Variants in CDC42SE2 observed in about 807,000 individuals in gnomAD.
The protein encoded by CDC42SE2 is CDC42 small effector protein 2.
CDC42SE2 carries 3 observed loss-of-function variants against 11.5 expected under a neutral mutation model. The ratio of observed to expected loss-of-function variants is 0.26; its 90% confidence interval spans 0.12 to 0.67. CDC42SE2 has a LOEUF of 0.67. Ranked by LOEUF, CDC42SE2 falls within the 30% of genes least tolerant of loss-of-function variation. The pLI, the probability that CDC42SE2 is intolerant of heterozygous loss-of-function variation, is 0.80. For synonymous variants in CDC42SE2, 33 were observed against 34.8 expected (o/e 0.95, Z 0.18); for missense variants, 82 against 106.8 (o/e 0.77, Z 1.02).
intron 2 of CDC42SE2, among the ~76,000 whole-genome samples, chr5:131,333,123 C>A (rs1230822788): frequency 4.6e-5 from 7 of 152,138 alleles, no homozygotes; most frequent in Non-Finnish European, 8.8e-5. Flanking sequence ...AGTCTTTAAT[C>A]CATCTTGAAT....
At chr5:131,368,342 T>C (rs1241767450) in intron 3 of CDC42SE2, among the ~76,000 whole-genome samples, 1 of 151,728 alleles carries the variant, frequency 6.6e-6, no homozygotes, top group Non-Finnish European at 1.5e-5. Context: ...TGAGTCAGAC[T>C]CTAGATTCTG....
chr5:131,265,502 C>G (rs1053487377), intron 1 of CDC42SE2, among the ~76,000 whole-genome samples: 1 of 152,136 alleles, frequency 6.6e-6, no homozygotes, highest in Non-Finnish European at 1.5e-5. Flanking sequence ...ACCATTTACT[C>G]AACAGATATT....
At chr5:131,348,259 C>G (rs1421662823) in intron 2 of CDC42SE2, among the ~76,000 whole-genome samples, 3 of 152,086 alleles carry the variant, frequency 2.0e-5, no homozygotes, top group African/African-American at 7.2e-5. Flanking sequence ...TCATCTCAGC[C>G]CAAAATCTCC....
intron 1 of CDC42SE2, among the ~76,000 whole-genome samples, chr5:131,250,275 A>G (rs759597916): frequency 1.3e-5 from 2 of 152,362 alleles, no homozygotes; most frequent in African/African-American, 4.8e-5. Context: ...GTACATTTCA[A>G]CAGAAAATAT....
rs554208901 is a variant in CDC42SE2, at chr5:131,280,410, A to C, written c.-455+16244A>C. On this transcript the variant is annotated intron_variant, in intron 1 of 4. Coordinates refer to ENST00000505065, the MANE Select transcript of CDC42SE2 (RefSeq NM_001375635.1). ...AATCTTACATAGACTCTGACATTTC[A>C]CTTTAACGAATATTATCATAAAAGT... Among the ~76,000 whole-genome samples the C allele has an allele frequency of 2.7e-4, 41 of 152,304 alleles. No homozygotes were observed. The South Asian group carries it at 3.3e-3, about 12-fold the overall frequency.
At chr5:131,291,404 A>G (rs1373354141) in intron 1 of CDC42SE2, among the ~76,000 whole-genome samples, 2 of 152,200 alleles carry the variant, frequency 1.3e-5, no homozygotes, top group Non-Finnish European at 2.9e-5. Context: ...TTAGAAGCTC[A>G]CCAGTTTATT....
intron 3 of CDC42SE2, among the ~76,000 whole-genome samples, chr5:131,377,542 T>C (rs1246376940): frequency 2.0e-5 from 3 of 152,208 alleles, no homozygotes; most frequent in Non-Finnish European, 2.9e-5. Flanking sequence ...AAGCCATCAA[T>C]ATCACTTGGA....
At chr5:131,381,759 A>G (rs1450204007) in intron 3 of CDC42SE2, among the ~76,000 whole-genome samples, 2 of 152,210 alleles carry the variant, frequency 1.3e-5, no homozygotes, top group East Asian at 1.9e-4. Flanking sequence ...TTTTCCACCT[A>G]TAGCTATTGT....
chr5:131,280,086 T>G (rs1037807565), intron 1 of CDC42SE2, among the ~76,000 whole-genome samples: 4 of 152,160 alleles, frequency 2.6e-5, no homozygotes, highest in Non-Finnish European at 5.9e-5. Flanking sequence ...TTGAACTTAG[T>G]TGGCTCGGGA....
intron 1 of CDC42SE2, among the ~76,000 whole-genome samples, chr5:131,265,466 A>T (rs1044253493): frequency 4.6e-5 from 7 of 152,184 alleles, no homozygotes; most frequent in African/African-American, 1.7e-4. Flanking sequence ...GGAAAAGCTA[A>T]TGTTGCACTA....
the CDC42SE2 span, among the ~76,000 whole-genome samples, chr5:131,235,697 C>T: frequency 1.3e-5 from 2 of 151,242 alleles, no homozygotes. Context: ...CGAGTTCAAG[C>T]AATTCTCCTG....
chr5:131,307,516 G>A (rs62391414), intron 1 of CDC42SE2, among the ~76,000 whole-genome samples: 61,335 of 151,736 alleles, frequency 0.4, 15,148 homozygotes, highest in Non-Finnish European at 0.57. Context: ...GAATAATGCC[G>A]CAGTAAACAT....
At chr5:131,334,119 T>C (rs1299004399) in intron 2 of CDC42SE2, among the ~76,000 whole-genome samples, 1 of 152,154 alleles carries the variant, frequency 6.6e-6, no homozygotes, top group Admixed American at 6.5e-5. Flanking sequence ...ATAGCTCTTA[T>C]TATTTTGAGA....
chr5:131,232,734 C>CAAAA, the CDC42SE2 span, among the ~76,000 whole-genome samples: 10 of 42,104 alleles, frequency 2.4e-4, no homozygotes, highest in African/African-American at 8.7e-4. Context: ...GACTCGGTCT[C>CAAAA]AAAAAAAAAA....
rs1561442380 is a variant in CDC42SE2 at position 131,393,828 on chromosome 5, T to TTTG, written c.*2739_*2740insGTT. 1 of 106,242 alleles carries TTTG rather than the reference T, an allele frequency of 9.4e-6. No homozygotes were observed. The highest frequency in any genetic ancestry group is 1.7e-5 in the Non-Finnish European group (1 of 57,584). The allele number at this position is 106,242 out of a possible 1,614,324, so 6.6% of individuals were successfully genotyped here. A position where few individuals can be genotyped will look rare whatever the true frequency, so the allele number is the denominator to read the frequency against. ...TTTTCCAAATCGCTGTTTTTTTTTT[T>TTTG]TTTTTTTTTTTTTTTGCTGCTCCAA... is the stretch of plus-strand genomic sequence containing the variant. On this transcript the variant is annotated 3_prime_UTR_variant, in exon 5 of 5. Coordinates refer to ENST00000505065, the MANE Select transcript of CDC42SE2 (RefSeq NM_001375635.1).
At chr5:131,332,931 T>C (rs1011046178) in intron 2 of CDC42SE2, among the ~76,000 whole-genome samples, 1 of 152,212 alleles carries the variant, frequency 6.6e-6, no homozygotes, top group Non-Finnish European at 1.5e-5. Context: ...CTGTTCACTC[T>C]GATGGTGGTT....
the CDC42SE2 span, among the ~76,000 whole-genome samples, chr5:131,215,573 G>A: frequency 5.3e-5 from 8 of 152,136 alleles, no homozygotes; most frequent in Non-Finnish European, 8.8e-5. Flanking sequence ...ACTGACAGTC[G>A]CTCCTGAGTT....
At chr5:131,348,334 A>G (rs1758907825) in intron 2 of CDC42SE2, among the ~76,000 whole-genome samples, 1 of 152,214 alleles carries the variant, frequency 6.6e-6, no homozygotes. Context: ...AATCACAAGC[A>G]TTCTTATACA....
At position 131,283,400 on chromosome 5, in the gene CDC42SE2, G is replaced by C. The variant is rs774141918; in HGVS notation, c.-455+19234G>C. On this transcript the variant is annotated intron_variant, in intron 1 of 4. Transcript: ENST00000505065. ...TTGCCTCTTTGGACATTTAATGTAA[G>C]TGGAATCATGCGATATGTGACCTTT... Among the ~76,000 whole-genome samples, 150 of 152,232 alleles carry C rather than the reference G, an allele frequency of 9.9e-4. 5 individuals are homozygous for C. The highest frequency in any genetic ancestry group is 7.8e-4 in the Admixed American group (12 of 15,290).
Sources: allele counts gnomAD v4.1 joint callset (sites outside exome capture counted in the v4.1 genomes callset), GRCh38; gene constraint gnomAD v4.1.1; transcripts MANE v1.5; gene names NCBI Gene and HGNC (gene_info 2026-07-23, HGNC 2026-07-21).